Variants in PPFIA2 observed in about 807,000 individuals in gnomAD.
PPFIA2 encodes the protein PPFI scaffold protein A2, also known as liprin-alpha-2.
PPFIA2 carries 46 observed loss-of-function variants against 175.5 expected under a neutral mutation model. That is an observed-to-expected ratio of 0.26 (90% CI 0.21 to 0.34). PPFIA2 has a LOEUF of 0.34. Among genes scored for constraint, PPFIA2 ranks in the 10% least tolerant of loss-of-function variants. The probability of loss-of-function intolerance (pLI) is 1.00; values close to 1 mark genes in which losing one functional copy is unlikely to be tolerated. For synonymous variants in PPFIA2, 568 were observed against 511.4 expected, an observed-to-expected ratio of 1.11 and a Z score of -1.49; for missense variants, 1,179 against 1,506.1, an observed-to-expected ratio of 0.78 and a Z score of 3.60.
At chr12:81,643,654 ACTGAATTTGGAGTCAC>A (rs2065665455) in intron 4 of PPFIA2, among the ~76,000 whole-genome samples, 1 of 152,002 alleles carries the variant, frequency 6.6e-6, no homozygotes, top group Non-Finnish European at 1.5e-5. Context: ...AGACTGAGTA[ACTGAATTTGGAGTCAC>A]CTGAAGGTAG....
At chr12:81,678,131 C>T (rs1159480378) in intron 3 of PPFIA2, among the ~76,000 whole-genome samples, 1 of 151,672 alleles carries the variant, frequency 6.6e-6, no homozygotes, top group East Asian at 1.9e-4. Context: ...ACTCTGATCA[C>T]CTCTTATCTG....
At chr12:81,577,657 G>A (rs2073788299) in intron 4 of PPFIA2, among the ~76,000 whole-genome samples, 1 of 151,776 alleles carries the variant, frequency 6.6e-6, no homozygotes, top group Non-Finnish European at 1.5e-5. Flanking sequence ...AAAGTATTTA[G>A]GTAAAGTGAG....
intron 9 of PPFIA2, 74 bp downstream of exon 9, chr12:81,383,949 C>A (rs377390076): frequency 3.3e-6 from 4 of 1,224,620 alleles, no homozygotes; most frequent in Non-Finnish European, 3.5e-6. Context: ...ATGGTCATTA[C>A]GGGAAATTAT....
chr12:81,577,166 T>C (rs921015643), intron 4 of PPFIA2, among the ~76,000 whole-genome samples: 7 of 151,918 alleles, frequency 4.6e-5, no homozygotes, highest in Non-Finnish European at 8.8e-5. Context: ...TAGAATATCT[T>C]GTCTTTCATA....
rs867169377 is a variant in PPFIA2 at position 81,344,679 on chromosome 12, C to A, written c.2247G>T (p.Arg749Ser). Residue 749 changes from arginine (R) to serine (S), a missense_variant, in exon 19 of 33, where the codon AGG (arginine) becomes AGT (serine). By Grantham distance (110) the Arg-to-Ser change is moderately radical (BLOSUM62 -1). Coordinates refer to ENST00000549396, the MANE Select transcript of PPFIA2 (RefSeq NM_003625.5). ...MGVMTLPSDL[R>S]KHRRKIAVVE... ...TTTACTGTACCTTTCTCCGATGTTT[C>A]CTCAGATCACTTGGCTGTGATTGGC... is the stretch of plus-strand genomic sequence containing the variant. 1 of 1,557,672 alleles carries A rather than the reference C, an allele frequency of 6.4e-7. No individual in the cohort carries two copies. The highest frequency in any genetic ancestry group is 8.7e-7 in the Non-Finnish European group (1 of 1,146,312).
intron 22 of PPFIA2, among the ~76,000 whole-genome samples, chr12:81,315,477 C>T (rs575710819): frequency 6.6e-6 from 1 of 151,560 alleles, no homozygotes; most frequent in African/African-American, 2.4e-5. Flanking sequence ...TGATAATGCA[C>T]TGGAAAAGGA....
At chr12:81,626,374 C>T (rs1436485612) in intron 4 of PPFIA2, among the ~76,000 whole-genome samples, 1 of 151,964 alleles carries the variant, frequency 6.6e-6, no homozygotes, top group East Asian at 1.9e-4. Flanking sequence ...TTTAAGGCTA[C>T]ATTATATGAT....
chr12:81,364,871 A>G (rs151179188), intron 14 of PPFIA2, among the ~76,000 whole-genome samples: 2 of 151,986 alleles, frequency 1.3e-5, no homozygotes, highest in East Asian at 3.9e-4. Context: ...ACTGAAAGAA[A>G]GAAAGAAATT....
intron 8 of PPFIA2, among the ~76,000 whole-genome samples, chr12:81,394,214 T>C (rs2040665864): frequency 1.3e-5 from 2 of 152,026 alleles, no homozygotes; most frequent in African/African-American, 4.8e-5. Flanking sequence ...TGAAAGTTTT[T>C]AGATAACTTA....
At chr12:81,729,161 GT>G (rs996968104) in intron 3 of PPFIA2, among the ~76,000 whole-genome samples, 4 of 151,358 alleles carry the variant, frequency 2.6e-5, no homozygotes, top group South Asian at 4.1e-4. Flanking sequence ...CAAAAGATCT[GT>G]TTTTTTATAG....
intron 3 of PPFIA2, among the ~76,000 whole-genome samples, chr12:81,716,814 C>A (rs2078686964): frequency 6.6e-6 from 1 of 151,422 alleles, no homozygotes; most frequent in East Asian, 1.9e-4. Context: ...GGTAAGACAG[C>A]AAATGTGCTC....
intron 27 of PPFIA2, among the ~76,000 whole-genome samples, chr12:81,280,185 T>C (rs1017034368): frequency 6.6e-6 from 1 of 152,184 alleles, no homozygotes; most frequent in Non-Finnish European, 1.5e-5. Flanking sequence ...TAAACATGCC[T>C]TGTCAAGCCA....
chr12:81,361,980 T>C (rs2030700148), intron 15 of PPFIA2, among the ~76,000 whole-genome samples: 1 of 146,950 alleles, frequency 6.8e-6, no homozygotes. Context: ...TATAGATCTA[T>C]CTATGTATCT....
intron 8 of PPFIA2, among the ~76,000 whole-genome samples, chr12:81,402,988 A>T (rs2042321490): frequency 6.6e-6 from 1 of 152,226 alleles, no homozygotes; most frequent in African/African-American, 2.4e-5. Context: ...CTAAATATAT[A>T]TGATACATTA....
chr12:81,392,617 C>T (rs1334162925), intron 8 of PPFIA2, among the ~76,000 whole-genome samples: 1 of 151,890 alleles, frequency 6.6e-6, no homozygotes, highest in African/African-American at 2.4e-5. Context: ...GTCTTTCTCA[C>T]CTACCAAAAT....
chr12:81,341,375 T>C (rs1485428547), intron 19 of PPFIA2, among the ~76,000 whole-genome samples, 167 bp from the exon 20 acceptor site: 2 of 151,994 alleles, frequency 1.3e-5, no homozygotes, highest in African/African-American at 2.4e-5. Context: ...ATTAAAGAGT[T>C]TGATTTTCAC....
intron 7 of PPFIA2, among the ~76,000 whole-genome samples, chr12:81,421,943 A>AT (rs1357059489): frequency 1.3e-5 from 2 of 151,692 alleles, no homozygotes; most frequent in Admixed American, 1.3e-4. Flanking sequence ...GCAAACGGTA[A>AT]TCAAAAGAAA....
At chr12:81,546,590 A>G (rs1281480212) in intron 4 of PPFIA2, 1 of 152,188 alleles carries the variant, frequency 6.6e-6, no homozygotes, top group Non-Finnish European at 1.5e-5. Flanking sequence ...ATTTGTCAAT[A>G]TAATATACCC....
intron 4 of PPFIA2, among the ~76,000 whole-genome samples, chr12:81,528,943 T>C (rs1200690139): frequency 1.3e-5 from 2 of 152,074 alleles, no homozygotes; most frequent in Admixed American, 1.3e-4. Flanking sequence ...GAGACAATTA[T>C]GACATTTTTA....
Sources: gnomAD v4.1 joint callset for allele counts (sites outside exome capture counted in the v4.1 genomes callset) on GRCh38, gnomAD v4.1.1 for gene constraint, MANE v1.5 for transcripts, NCBI Gene and HGNC (gene_info 2026-07-23, HGNC 2026-07-21) for gene names.